The following IQCM variants were observed in gnomAD, a reference collection of about 807,000 sequenced individuals.
The protein encoded by IQCM is IQ motif containing M.
IQCM carries 45 observed loss-of-function variants against 57.6 expected under a neutral mutation model. The observed-to-expected ratio is 0.78, with a 90% CI of 0.62 to 1.00. The LOEUF is 1.00. Among genes scored for constraint, IQCM ranks in the 50% least tolerant of loss-of-function variants. The pLI, the probability that IQCM is intolerant of heterozygous loss-of-function variation, is 0.00. For missense variants in IQCM, 468 were observed against 511.6 expected (o/e 0.91, Z 0.82); for synonymous variants, 148 against 158.9 (o/e 0.93, Z 0.51).
rs576307256 is a variant in IQCM at position 149,641,657 on chromosome 4, T to C, written c.566-20413A>G. ...CAACCATATTTTCCTCTACAGAGGA[T>C]TTCAACAAAATATTATTATATCAGA... is the stretch of plus-strand genomic sequence containing the variant. On this transcript the variant is annotated intron_variant, in intron 7 of 13. Coordinates refer to ENST00000636793, the MANE Select transcript of IQCM (RefSeq NM_001363507.2). Among the ~76,000 whole-genome samples the C allele has an allele frequency of 3.1e-3, 473 of 152,248 alleles. 2 individuals are homozygous for C. The highest frequency in any genetic ancestry group is 5.3e-3 in the Non-Finnish European group (362 of 67,986).
intron 12 of IQCM, among the ~76,000 whole-genome samples, chr4:149,456,949 G>C (rs1013627970): frequency 7.9e-5 from 12 of 152,022 alleles, no homozygotes; most frequent in African/African-American, 2.9e-4. Context: ...CCACACATGA[G>C]ATTGCATCAA....
At chr4:149,606,505 T>C (rs1754796954) in intron 8 of IQCM, among the ~76,000 whole-genome samples, 2 of 152,016 alleles carry the variant, frequency 1.3e-5, no homozygotes, top group Non-Finnish European at 2.9e-5. Context: ...CAGACATCAG[T>C]GAACATCCAC....
Position 149,548,430 on chromosome 4 carries a change from G to A in IQCM, c.1228+25C>T, listed in dbSNP as rs891420277. ...AGAAGTTGAAAGGAAAAGAAGGGGG[G>A]AAAAAGAAATGAGAAACTACTCACC... is the stretch of plus-strand genomic sequence containing the variant. On this transcript the variant is annotated intron_variant, in intron 12 of 13. Transcript: ENST00000636793. 4.2e-5 allele frequency: 51 copies of A among 1,228,736 alleles called. No individual in the cohort carries two copies. In the African/African-American group the frequency reaches 6.4e-4, roughly 15 times the overall value. 76.1% of individuals were successfully genotyped at this position (1,228,736 alleles called of 1,614,324 possible).
intron 2 of IQCM, among the ~76,000 whole-genome samples, chr4:149,785,303 G>C (rs1183985192): frequency 6.6e-6 from 1 of 152,002 alleles, no homozygotes; most frequent in Non-Finnish European, 1.5e-5. Flanking sequence ...GACTTTATTA[G>C]GCACACAAAG....
At chr4:149,611,759 T>G (rs1755312161) in intron 8 of IQCM, among the ~76,000 whole-genome samples, 2 of 151,974 alleles carry the variant, frequency 1.3e-5, no homozygotes, top group Admixed American at 1.3e-4. Context: ...CGGAATAAGA[T>G]CTAGTGTTCA....
chr4:149,763,726 T>A (rs956611733), intron 2 of IQCM, among the ~76,000 whole-genome samples: 3 of 152,132 alleles, frequency 2.0e-5, no homozygotes, highest in African/African-American at 7.2e-5. Flanking sequence ...AGAGCCAGGA[T>A]TCAATCCAGA....
chr4:149,472,959 T>C (rs1029914573), intron 12 of IQCM, among the ~76,000 whole-genome samples: 5 of 152,166 alleles, frequency 3.3e-5, no homozygotes, highest in South Asian at 4.1e-4. Flanking sequence ...TTACACCTTA[T>C]ACAAAAATTA....
At chr4:149,640,957 C>T (rs1322002453) in intron 7 of IQCM, among the ~76,000 whole-genome samples, 1 of 152,070 alleles carries the variant, frequency 6.6e-6, no homozygotes, top group African/African-American at 2.4e-5. Context: ...TGGTAAAACC[C>T]TGTCCACACC....
At chr4:149,724,816 T>C (rs1765748533) in intron 5 of IQCM, among the ~76,000 whole-genome samples, 1 of 152,076 alleles carries the variant, frequency 6.6e-6, no homozygotes, top group Admixed American at 6.6e-5. Flanking sequence ...GACAATACTG[T>C]ATTATATGCT....
At chr4:149,453,280 T>A (rs72955427) in intron 12 of IQCM, among the ~76,000 whole-genome samples, 2,795 of 151,872 alleles carry the variant, frequency 0.018, 61 homozygotes, top group African/African-American at 0.055. Flanking sequence ...TAAATTTTCA[T>A]AACCTTGGGT....
chr4:149,574,368 T>A (rs1384081765), intron 9 of IQCM, among the ~76,000 whole-genome samples: 6 of 151,974 alleles, frequency 3.9e-5, no homozygotes, highest in African/African-American at 7.2e-5. Flanking sequence ...ATGTGAGTCA[T>A]TAAAGGCAAG....
intron 13 of IQCM, among the ~76,000 whole-genome samples, chr4:149,379,654 T>A (rs1319483866): frequency 6.6e-6 from 1 of 152,232 alleles, no homozygotes; most frequent in African/African-American, 2.4e-5. Flanking sequence ...TTGCTTTTGA[T>A]CTTACAGGCT....
At chr4:149,727,429 C>A (rs1449353149) in intron 5 of IQCM, among the ~76,000 whole-genome samples, 1 of 152,114 alleles carries the variant, frequency 6.6e-6, no homozygotes, top group Admixed American at 6.5e-5. Flanking sequence ...AATCTTTCAG[C>A]AAGTACTGAC....
At chr4:149,601,914 C>A (rs918097290) in intron 8 of IQCM, among the ~76,000 whole-genome samples, 1 of 150,990 alleles carries the variant, frequency 6.6e-6, no homozygotes, top group African/African-American at 2.4e-5. Flanking sequence ...ATTAGTCAGG[C>A]GTGGTGGCTG....
At chr4:149,614,892 T>C (rs112043235) in intron 8 of IQCM, among the ~76,000 whole-genome samples, 1 of 152,298 alleles carries the variant, frequency 6.6e-6, no homozygotes, top group African/African-American at 2.4e-5. Context: ...AGTGACACCT[T>C]CCTGACTCTT....
At chr4:149,356,720 T>TA (rs1729015669) in intron 13 of IQCM, among the ~76,000 whole-genome samples, 1 of 152,062 alleles carries the variant, frequency 6.6e-6, no homozygotes, top group South Asian at 2.1e-4. Flanking sequence ...ATTGACTTGG[T>TA]AATGCGGGCT....
At chr4:149,464,862 G>A (rs1054668445) in intron 12 of IQCM, among the ~76,000 whole-genome samples, 8 of 151,960 alleles carry the variant, frequency 5.3e-5, no homozygotes, top group African/African-American at 1.9e-4. Context: ...TTGATTAATG[G>A]GATATTATTT....
chr4:149,464,108 T>C (rs371500165), intron 12 of IQCM, among the ~76,000 whole-genome samples: 148 of 152,294 alleles, frequency 9.7e-4, no homozygotes, highest in Non-Finnish European at 1.6e-3. Flanking sequence ...TTCCTCTTAC[T>C]GTATATGTAA....
chr4:149,642,869 CT>C (rs2150118240), intron 7 of IQCM, among the ~76,000 whole-genome samples: 1 of 152,168 alleles, frequency 6.6e-6, no homozygotes, highest in Non-Finnish European at 1.5e-5. Flanking sequence ...ACGTACATTA[CT>C]TTTTTTAAAA....
Sources: allele counts gnomAD v4.1 joint callset (sites outside exome capture counted in the v4.1 genomes callset), GRCh38; gene constraint gnomAD v4.1.1; transcripts MANE v1.5; gene names NCBI Gene and HGNC (gene_info 2026-07-23, HGNC 2026-07-21).